The following PSTPIP1 variants were observed in gnomAD, a reference collection of about 807,000 sequenced individuals.
The protein encoded by PSTPIP1 is proline-serine-threonine phosphatase-interacting protein 1.
PSTPIP1 carries 66 observed loss-of-function variants against 69.6 expected under a neutral mutation model. The ratio of observed to expected loss-of-function variants is 0.95; its 90% CI spans 0.78 to 1.16. The LOEUF is 1.16. Among genes scored for constraint, PSTPIP1 ranks in the 50% most tolerant of loss-of-function variants. PSTPIP1 has a pLI of 0.00. For synonymous variants in PSTPIP1, 266 were observed against 222.7 expected (o/e 1.19, Z -1.73); for missense variants, 603 against 557.4 (o/e 1.08, Z -0.82).
intron 7 of PSTPIP1, among the ~76,000 whole-genome samples, chr15:77,029,115 G>A (rs2076354986): frequency 6.6e-6 from 1 of 152,240 alleles, no homozygotes; most frequent in African/African-American, 2.4e-5. Context: ...GCCAGAGTGG[G>A]GGTATCAGAG....
chr15:77,020,002 G>C (rs1420282685), intron 3 of PSTPIP1, among the ~76,000 whole-genome samples: 1 of 152,222 alleles, frequency 6.6e-6, no homozygotes, highest in East Asian at 1.9e-4. Flanking sequence ...AGACTCAGGA[G>C]AGGTGGAGAG....
At chr15:77,017,383 T>A (rs764124737) in intron 1 of PSTPIP1, among the ~76,000 whole-genome samples, 3 of 152,148 alleles carry the variant, frequency 2.0e-5, no homozygotes, top group Non-Finnish European at 4.4e-5. Context: ...GCAGGGCAAG[T>A]GCCAGGCAGC....
chr15:77,036,618 A>G lies in PSTPIP1; in HGVS notation c.1120-427A>G, dbSNP rs536253089. ...GGGTGTGGACTCCACTGATGAGGCC[A>G]GGGCTCGGGGAGGCAGGGAAGCCAG... On this transcript the variant is annotated intron_variant, in intron 14 of 14. Coordinates refer to ENST00000558012, the MANE Select transcript of PSTPIP1 (RefSeq NM_003978.5). Among the ~76,000 whole-genome samples the G allele has an allele frequency of 1.6e-3, 249 of 152,250 alleles. 1 individual carries two copies. The highest frequency in any genetic ancestry group is 5.9e-3 in the African/African-American group (246 of 41,548).
At chr15:76,999,982 G>A (rs1033628072) in intron 1 of PSTPIP1, among the ~76,000 whole-genome samples, 2 of 152,352 alleles carry the variant, frequency 1.3e-5, no homozygotes, top group East Asian at 3.9e-4. Flanking sequence ...TGGGTCACAT[G>A]CACTGCAGTG....
In PSTPIP1 at chr15:77,015,586, A is replaced by C. The variant is rs562086519; in HGVS notation, c.37-2562A>C. Among the ~76,000 whole-genome samples, 110 of 152,308 alleles carry C rather than the reference A, an allele frequency of 7.2e-4. 1 individual carries two copies. In the South Asian group the frequency reaches 0.012, roughly 17 times the overall value. On this transcript the variant is annotated intron_variant, in intron 1 of 14. Coordinates refer to ENST00000558012, the MANE Select transcript of PSTPIP1 (RefSeq NM_003978.5). ...GGTAGGTCCCCTGGGGGTGATGCTG[A>C]TGCTGGGTCTTGGGTGGCAGACCCA...
In PSTPIP1 at chr15:77,000,458, GAGATATATATAT is replaced by G. The variant is rs1422331617; in HGVS notation, c.36+4851_36+4862del. Among the ~76,000 whole-genome samples the G allele has an allele frequency of 1.9e-4, 27 of 139,178 alleles. No individual in the cohort carries two copies. The East Asian group carries it at 2.1e-3, about 11-fold the overall frequency. The allele number at this position is 139,178 out of a possible 152,430, so 91.3% of individuals were successfully genotyped here. A position where few individuals can be genotyped will look rare whatever the true frequency, so the allele number is the denominator to read the frequency against. On this transcript the variant is annotated intron_variant, in intron 1 of 14. Transcript: ENST00000558012. ...CTGTTCCATCCTGGGCATTTAAAGAGAGATATATATATATATATACACACACACACACACACA... is the reference window on the plus strand; with the variant it reads ...CTGTTCCATCCTGGGCATTTAAAGAGATATATACACACACACACACACACA...
chr15:77,033,027 C>G, intron 12 of PSTPIP1, 75 bp downstream of exon 12: 1 of 1,413,272 alleles, frequency 7.1e-7, no homozygotes. Flanking sequence ...CTGCACCTGG[C>G]CCTTCCTCGT....
chr15:77,020,873 G>C (rs962793066), intron 3 of PSTPIP1, among the ~76,000 whole-genome samples: 19 of 142,470 alleles, frequency 1.3e-4, no homozygotes, highest in South Asian at 6.7e-4. Context: ...TCCTGTGGGG[G>C]GGGGGGGTGT....
chr15:77,013,558 A>T (rs984615101), intron 1 of PSTPIP1, among the ~76,000 whole-genome samples: 8 of 152,168 alleles, frequency 5.3e-5, no homozygotes, highest in African/African-American at 1.9e-4. Flanking sequence ...GCCCCCCTGG[A>T]GTCCCTGACC....
chr15:77,008,419 T>G (rs2075863643), intron 1 of PSTPIP1, among the ~76,000 whole-genome samples: 1 of 152,100 alleles, frequency 6.6e-6, no homozygotes, highest in African/African-American at 2.4e-5. Flanking sequence ...TTTGTTTTGT[T>G]TGTTTTTTGA....
intron 5 of PSTPIP1, among the ~76,000 whole-genome samples, chr15:77,026,643 T>G (rs2076286876): frequency 6.6e-6 from 1 of 152,232 alleles, no homozygotes; most frequent in African/African-American, 2.4e-5. Flanking sequence ...TTAGCAGCTC[T>G]GCTGGCAGAA....
chr15:77,025,444 G>T (rs1353083191), intron 4 of PSTPIP1, 54 bp from the exon 5 acceptor site: 1 of 1,587,188 alleles, frequency 6.3e-7, no homozygotes, highest in East Asian at 2.3e-5. Flanking sequence ...GTTGTGGGTG[G>T]CTGAGGCCCA....
chr15:77,027,312 AG>A lies in PSTPIP1; in HGVS notation c.355-536del, dbSNP rs1008882671. Among the ~76,000 whole-genome samples, 3 of 152,110 alleles carry A rather than the reference AG, an allele frequency of 2.0e-5. No individual in the cohort carries two copies. Among genetic ancestry groups the A allele is most frequent in the Non-Finnish European group, 4.4e-5 (3 of 68,012 alleles). ...AGGCTTTGGCCCCAGACCTCGGCAC[AG>A]GGGCCCAGTGGCCACTGTGCCTGCA... On this transcript the variant is annotated intron_variant, in intron 5 of 14. Transcript: ENST00000558012. This position sits in a 1 kb window ranked among gnomAD's most constrained non-coding sequence, Gnocchi z 4.3.
intron 6 of PSTPIP1, 127 bp from the exon 7 acceptor site, chr15:77,028,427 A>G (rs544542897): frequency 1.7e-5 from 12 of 692,882 alleles, no homozygotes; most frequent in Admixed American, 3.1e-5. Flanking sequence ...GTCCCTGGTG[A>G]GGATGCCCCC....
chr15:77,033,060 C>A (rs181432186), intron 12 of PSTPIP1, 108 bp downstream of exon 12: 3 of 1,119,526 alleles, frequency 2.7e-6, no homozygotes, highest in South Asian at 1.4e-5. Context: ...TACTATGTGT[C>A]TGTATCTGGT....
intron 1 of PSTPIP1, among the ~76,000 whole-genome samples, chr15:77,005,573 A>C (rs1034597839): frequency 6.6e-6 from 1 of 152,248 alleles, no homozygotes; most frequent in Non-Finnish European, 1.5e-5. Flanking sequence ...AGAGGCATTA[A>C]GAACATTCAC....
intron 7 of PSTPIP1, 91 bp from the exon 8 acceptor site, chr15:77,029,438 C>G (rs559160570): frequency 6.9e-7 from 1 of 1,453,096 alleles, no homozygotes; most frequent in Non-Finnish European, 9.4e-7. Flanking sequence ...CCAGGGTGGC[C>G]GGGGAAGCTT....
intron 1 of PSTPIP1, among the ~76,000 whole-genome samples, chr15:76,996,026 C>T (rs1159202569): frequency 6.6e-6 from 1 of 152,202 alleles, no homozygotes; most frequent in African/African-American, 2.4e-5. Context: ...GCCTCAGTCT[C>T]TCCATCTATA....
At chr15:77,030,005 A>G (rs1349215947) in intron 8 of PSTPIP1, among the ~76,000 whole-genome samples, 1 of 151,668 alleles carries the variant, frequency 6.6e-6, no homozygotes, top group Non-Finnish European at 1.5e-5. Flanking sequence ...TGCCCCACCC[A>G]CCAGACACAG....
Sources: allele counts gnomAD v4.1 joint callset (sites outside exome capture counted in the v4.1 genomes callset), GRCh38; gene constraint gnomAD v4.1.1; non-coding constraint Gnocchi (gnomAD v3.1); transcripts MANE v1.5; gene names NCBI Gene and HGNC (gene_info 2026-07-23, HGNC 2026-07-21).